Variants in RPRD2 observed in about 807,000 individuals in gnomAD.
RPRD2 encodes regulation of nuclear pre-mRNA domain-containing protein 2.
Under a neutral mutation model 104.4 loss-of-function variants are expected in RPRD2, and 12 were observed. The observed-to-expected ratio is 0.11, with a 90% CI of 0.07 to 0.19. RPRD2 has a LOEUF of 0.19. RPRD2 is among the 10% of genes least tolerant of loss of function. The probability of loss-of-function intolerance (pLI) is 1.00; values close to 1 mark genes in which losing one functional copy is unlikely to be tolerated. For missense variants in RPRD2, 1,543 were observed against 1,790.1 expected (o/e 0.86, Z 2.49); for synonymous variants, 714 against 684.9 (o/e 1.04, Z -0.66).
In RPRD2 at chr1:150,473,179, G is replaced by A; in HGVS notation, c.4231G>A (p.Gly1411Ser). ...ACACAGAGACACCATCAGCCGGAGT[G>A]GTATAATCTTACGGAGTCCCCGGCC... is the stretch of plus-strand genomic sequence containing the variant. The part of the protein sequence containing the change: ...PSHRDTISRS[G>S]IILRSPRPDF... The change falls in exon 11 of 11, where the codon GGT becomes AGT. Residue 1411 changes from glycine (G) to serine (S), a missense_variant. Physicochemically the swap from Gly to Ser is moderately conservative, Grantham distance 56. Coordinates refer to ENST00000369068, the MANE Select transcript of RPRD2 (RefSeq NM_015203.5). 1.2e-6 allele frequency: 2 copies of A among 1,613,942 alleles called. No individual in the cohort carries two copies. The highest frequency in any genetic ancestry group is 1.7e-6 in the Non-Finnish European group (2 of 1,179,866).
intron 1 of RPRD2, among the ~76,000 whole-genome samples, chr1:150,385,929 G>A (rs1333965665): frequency 2.6e-5 from 4 of 152,150 alleles, no homozygotes; most frequent in Admixed American, 6.6e-5. Flanking sequence ...GTGGTGACAA[G>A]GGTAGAGGGG....
intron 1 of RPRD2, among the ~76,000 whole-genome samples, chr1:150,371,358 TTTTTTGTTTTTG>T (rs1180136261): frequency 6.6e-6 from 1 of 151,980 alleles, no homozygotes; most frequent in Non-Finnish European, 1.5e-5. Flanking sequence ...CACAAAGAGG[TTTTTTGTTTTTG>T]TTTTTGTTTT....
At chr1:150,417,015 C>T (rs782732267) in intron 1 of RPRD2, among the ~76,000 whole-genome samples, 27 of 152,006 alleles carry the variant, frequency 1.8e-4, no homozygotes, top group Non-Finnish European at 3.4e-4. Flanking sequence ...AAGACTAAGA[C>T]GTATCTGAGT....
intron 2 of RPRD2, among the ~76,000 whole-genome samples, chr1:150,422,049 T>C (rs1409630201): frequency 2.7e-5 from 4 of 150,564 alleles, no homozygotes; most frequent in African/African-American, 9.8e-5. Context: ...CACTTCCCCT[T>C]TTAAAACTCA....
At chr1:150,441,055 T>A (rs1553894328) in intron 3 of RPRD2, 32 bp downstream of exon 3, 4 of 1,110,202 alleles carry the variant, frequency 3.6e-6, no homozygotes, top group Non-Finnish European at 5.2e-6. Flanking sequence ...AAAAGAAAAT[T>A]TTTGAGTCAG....
At chr1:150,383,024 A>T (rs1661250091) in intron 1 of RPRD2, among the ~76,000 whole-genome samples, 1 of 151,814 alleles carries the variant, frequency 6.6e-6, no homozygotes, top group South Asian at 2.1e-4. Context: ...ACAGAGTCTC[A>T]CTGTGTCACC....
chr1:150,472,462 C>T lies in RPRD2; in HGVS notation c.3514C>T (p.Pro1172Ser), dbSNP rs771846042. ...AACAGCACCATACAAGGAACGGGCA[C>T]CTCAATTTCAGGAGAGTGTCGGCAG... The part of the protein sequence containing the change: ...FKTAPYKERA[P>S]QFQESVGSFR... The change falls in exon 11 of 11, where the codon CCT becomes TCT. Residue 1172 changes from proline to serine, a missense_variant. By Grantham distance (74) the Pro-to-Ser change is moderately conservative. This residue lies in a region of RPRD2 where 880 missense variants were observed against 885.6 expected (regional missense o/e 0.99). Coordinates refer to ENST00000369068, the MANE Select transcript of RPRD2 (RefSeq NM_015203.5). The T allele has an allele frequency of 6.8e-6, 11 of 1,613,830 alleles. No homozygotes were observed. In the South Asian group the frequency reaches 1.1e-4, roughly 16 times the overall value.
chr1:150,404,994 C>A (rs2102233781), intron 1 of RPRD2, among the ~76,000 whole-genome samples: 1 of 152,260 alleles, frequency 6.6e-6, no homozygotes, highest in Middle Eastern at 3.4e-3. Flanking sequence ...GCGGGTAGTT[C>A]ATGAAAATTT....
At chr1:150,376,691 G>A (rs963524847) in intron 1 of RPRD2, among the ~76,000 whole-genome samples, 71 of 151,460 alleles carry the variant, frequency 4.7e-4, no homozygotes, top group Non-Finnish European at 8.9e-4. Flanking sequence ...TAGTAGAGAA[G>A]GGGTTTCACC....
chr1:150,430,502 T>TA (rs151048365), intron 2 of RPRD2, among the ~76,000 whole-genome samples: 136 of 151,930 alleles, frequency 9.0e-4, no homozygotes, highest in African/African-American at 2.9e-3. Flanking sequence ...CTCATTTCTA[T>TA]AAAAAAAATA....
At chr1:150,436,296 CTTG>C (rs1367070166) in intron 2 of RPRD2, among the ~76,000 whole-genome samples, 1 of 152,186 alleles carries the variant, frequency 6.6e-6, no homozygotes, top group Non-Finnish European at 1.5e-5. Context: ...CCTTTCAATT[CTTG>C]TTGTTTAAGA....
At chr1:150,467,574 A>G (rs1668360489) in intron 10 of RPRD2, among the ~76,000 whole-genome samples, 1 of 151,888 alleles carries the variant, frequency 6.6e-6, no homozygotes, top group Non-Finnish European at 1.5e-5. Flanking sequence ...GGGTTTCGCC[A>G]TGTTGGCCAG....
chr1:150,379,833 G>A (rs914741268), intron 1 of RPRD2, among the ~76,000 whole-genome samples: 3 of 152,206 alleles, frequency 2.0e-5, no homozygotes, highest in Non-Finnish European at 4.4e-5. Context: ...AACGCACCCG[G>A]CCAGGTTTAA....
intron 1 of RPRD2, among the ~76,000 whole-genome samples, chr1:150,370,572 C>CTTTTTTTTTTT (rs11288735): frequency 2.7e-5 from 3 of 109,746 alleles, no homozygotes; most frequent in Non-Finnish European, 3.5e-5. Flanking sequence ...TCCATTTTGT[C>CTTTTTTTTTTT]TTTTTTTTTT....
Position 150,471,430 on chromosome 1 carries a change from CAAG to C in RPRD2, c.2487_2489del (p.Glu829del). The C allele has an allele frequency of 6.2e-7, 1 of 1,613,890 alleles. No individual in the cohort carries two copies. Among genetic ancestry groups the C allele is most frequent in the Non-Finnish European group, 8.5e-7 (1 of 1,179,866 alleles). On this transcript the variant is annotated inframe_deletion, in exon 11 of 11. Transcript: ENST00000369068. This position sits in a 1 kb window ranked among gnomAD's most constrained non-coding sequence, Gnocchi z 5.3. ...AAAGTTCTACCCAGATACTTCTTTC[CAAG>C]AAGATGAGGATTACCGAGATTTTGA...
chr1:150,404,438 G>T (rs1471818460), intron 1 of RPRD2, among the ~76,000 whole-genome samples: 1 of 151,972 alleles, frequency 6.6e-6, no homozygotes, highest in Non-Finnish European at 1.5e-5. Flanking sequence ...GGTAGACAGG[G>T]TTTCACCAAG....
intron 8 of RPRD2, 62 bp from the exon 9 acceptor site, chr1:150,459,998 C>A: frequency 2.7e-6 from 4 of 1,486,638 alleles, no homozygotes; most frequent in Non-Finnish European, 9.2e-7. Flanking sequence ...CATGTTATTT[C>A]ATATAGGAAG....
intron 7 of RPRD2, among the ~76,000 whole-genome samples, chr1:150,448,939 G>A (rs758176192): frequency 6.6e-6 from 1 of 152,046 alleles, no homozygotes; most frequent in Non-Finnish European, 1.5e-5. Flanking sequence ...AAAAGTGTTT[G>A]TGAGAGGGAA....
At chr1:150,425,638 C>T (rs1379449814) in intron 2 of RPRD2, among the ~76,000 whole-genome samples, 8 of 144,890 alleles carry the variant, frequency 5.5e-5, no homozygotes, top group South Asian at 2.1e-4. Flanking sequence ...AACAAAACTC[C>T]GTCTCAAAAA....
Sources: gnomAD v4.1 joint callset for allele counts (sites outside exome capture counted in the v4.1 genomes callset) on GRCh38, gnomAD v4.1.1 for gene constraint, gnomAD v4.1.1 regional missense constraint, Gnocchi (gnomAD v3.1) non-coding constraint, MANE v1.5 for transcripts, NCBI Gene and HGNC (gene_info 2026-07-23, HGNC 2026-07-21) for gene names.